Variants in PLPPR1 observed in about 807,000 individuals in gnomAD.
PLPPR1 encodes the protein phospholipid phosphatase-related protein type 1.
A neutral mutation model predicts 33.1 loss-of-function variants in PLPPR1; 10 were observed. The ratio of observed to expected loss-of-function variants is 0.30; its 90% CI spans 0.19 to 0.51. PLPPR1 has a LOEUF of 0.51. PLPPR1 is among the 20% of genes least tolerant of loss of function. The pLI is 0.97. For synonymous variants in PLPPR1, 151 were observed against 151.0 expected (o/e 1.00, Z 0.00); for missense variants, 304 against 408.1 (o/e 0.74, Z 2.20).
chr9:101,268,679 T>C (rs1469481690), intron 2 of PLPPR1, among the ~76,000 whole-genome samples: 3 of 152,248 alleles, frequency 2.0e-5, no homozygotes, highest in Non-Finnish European at 2.9e-5. Flanking sequence ...TTTAGTCTTC[T>C]TAAGCCCTGA....
intron 1 of PLPPR1, among the ~76,000 whole-genome samples, chr9:101,142,943 G>T (rs1332643303): frequency 2.0e-5 from 3 of 152,062 alleles, no homozygotes; most frequent in Admixed American, 1.3e-4. Flanking sequence ...GGTATTAAAA[G>T]CTTCTGTGAG....
chr9:101,089,325 A>ATAGATAGT lies in PLPPR1; in HGVS notation c.-46+60224_-46+60231dup, dbSNP rs1830715424. 3.9e-5 allele frequency among the ~76,000 whole-genome samples: 6 copies of ATAGATAGT among 152,128 alleles called. No individual in the cohort carries two copies. The East Asian group carries it at 7.7e-4, about 20-fold the overall frequency. The stretch of plus-strand genomic sequence containing the variant: ...GATAGATAGATAGATAGATAGATAG[A>ATAGATAGT]TAGATAGTAGTTAATTGTTGTTAAC... On this transcript the variant is annotated intron_variant, in intron 1 of 7. Transcript: ENST00000374874.
chr9:101,157,452 TAA>T (rs1337604027), intron 1 of PLPPR1, among the ~76,000 whole-genome samples: 3 of 152,266 alleles, frequency 2.0e-5, no homozygotes, highest in South Asian at 2.1e-4. Context: ...TGTCTAAATT[TAA>T]AAGAGTCATC....
intron 4 of PLPPR1, among the ~76,000 whole-genome samples, chr9:101,308,988 A>G (rs551277261): frequency 6.6e-6 from 1 of 152,282 alleles, no homozygotes; most frequent in African/African-American, 2.4e-5. Context: ...CTTTTTCTAA[A>G]CTACCGATAC....
chr9:101,050,566 A>T (rs1830210686), intron 1 of PLPPR1, among the ~76,000 whole-genome samples: 2 of 152,208 alleles, frequency 1.3e-5, no homozygotes, highest in South Asian at 4.1e-4. Context: ...AAGAGACAGC[A>T]TCTGGGACAG....
intron 1 of PLPPR1, among the ~76,000 whole-genome samples, chr9:101,081,485 G>A (rs1830619236): frequency 6.6e-6 from 1 of 152,070 alleles, no homozygotes; most frequent in Admixed American, 6.6e-5. Flanking sequence ...AAGCCACCAT[G>A]CCCGGCCAAT....
intron 1 of PLPPR1, among the ~76,000 whole-genome samples, chr9:101,119,361 G>A (rs765684683): frequency 2.0e-5 from 3 of 152,208 alleles, no homozygotes; most frequent in Non-Finnish European, 2.9e-5. Context: ...ATTTCACACC[G>A]TGCTGCCTGG....
At chr9:101,194,881 T>C (rs1826368654) in intron 2 of PLPPR1, among the ~76,000 whole-genome samples, 1 of 152,184 alleles carries the variant, frequency 6.6e-6, no homozygotes, top group South Asian at 2.1e-4. Flanking sequence ...CAAATACATA[T>C]ATTGACCCAG....
At chr9:101,109,836 C>A (rs745808310) in intron 1 of PLPPR1, among the ~76,000 whole-genome samples, 1 of 152,042 alleles carries the variant, frequency 6.6e-6, no homozygotes, top group Admixed American at 6.6e-5. Context: ...ATCAACTAGC[C>A]ATATATAATA....
At chr9:101,277,306 AGT>A (rs1828214993) in intron 3 of PLPPR1, among the ~76,000 whole-genome samples, 1 of 152,166 alleles carries the variant, frequency 6.6e-6, no homozygotes, top group Admixed American at 6.6e-5. Context: ...GAATATCTAG[AGT>A]GTGGGCAAAA....
chr9:101,248,723 A>G (rs180839700), intron 2 of PLPPR1, among the ~76,000 whole-genome samples: 1 of 152,184 alleles, frequency 6.6e-6, no homozygotes, highest in Admixed American at 6.5e-5. Flanking sequence ...GCAGCTTAAT[A>G]CCTGTTCTTA....
intron 2 of PLPPR1, among the ~76,000 whole-genome samples, chr9:101,252,633 T>G (rs1047251293): frequency 3.3e-5 from 5 of 152,142 alleles, no homozygotes; most frequent in Admixed American, 1.3e-4. Context: ...ACAAACTGCT[T>G]GACCTGAGAG....
Position 101,286,161 on chromosome 9 carries a change from G to T in PLPPR1, c.310G>T (p.Ala104Ser). The T allele has an allele frequency of 6.2e-7, 1 of 1,611,488 alleles. No individual in the cohort carries two copies. Among genetic ancestry groups the T allele is most frequent in the Non-Finnish European group, 8.5e-7 (1 of 1,177,694 alleles). ...FIKSTRESLIAQEKTILTGEC... is the reference protein window; with the variant it reads ...FIKSTRESLISQEKTILTGEC... ...AAAATCAACAAGAGAATCCCTGATT[G>T]CTCAGGAGAAAACAATTCTGACCGG... The change falls in exon 4 of 8, where the codon GCT (alanine) becomes TCT (serine). Residue 104 changes from alanine (A) to serine (S), a missense_variant. Ala to Ser is a moderately conservative substitution (Grantham distance 99). Transcript: ENST00000374874.
chr9:101,133,681 C>G (rs1831343619), intron 1 of PLPPR1, among the ~76,000 whole-genome samples: 1 of 151,992 alleles, frequency 6.6e-6, no homozygotes, highest in Non-Finnish European at 1.5e-5. Flanking sequence ...TCAATGTTTT[C>G]AGCTTAAAGA....
At position 101,274,057 on chromosome 9, in the gene PLPPR1, T is replaced by A. The variant is rs564082994; in HGVS notation, c.252+3989T>A. Among the ~76,000 whole-genome samples the A allele has an allele frequency of 9.8e-5, 15 of 152,322 alleles. No individual in the cohort carries two copies. In the East Asian group the frequency reaches 2.9e-3, roughly 29 times the overall value. On this transcript the variant is annotated intron_variant, in intron 3 of 7. Coordinates refer to ENST00000374874, the MANE Select transcript of PLPPR1 (RefSeq NM_207299.2). ...TTTCCCCAAATGACACAAATTGAAA[T>A]GTAGTACAACTGCTCCCATGGAAGT...
intron 2 of PLPPR1, among the ~76,000 whole-genome samples, chr9:101,269,446 A>G (rs368558861): frequency 3.1e-4 from 47 of 152,256 alleles, no homozygotes; most frequent in African/African-American, 1.1e-3. Context: ...TTCATATTTC[A>G]TAAGGTAAGT....
chr9:101,275,260 C>T lies in PLPPR1; in HGVS notation c.252+5192C>T, dbSNP rs536925075. ...CATTGACCATGGAAGAACCTAGCAC[C>T]CTGCACTGCTGCGCGTCTGCAGATG... On this transcript the variant is annotated intron_variant, in intron 3 of 7. Transcript: ENST00000374874. Among the ~76,000 whole-genome samples, 27 of 152,320 alleles carry T rather than the reference C, an allele frequency of 1.8e-4. No homozygotes were observed. In the South Asian group the frequency reaches 1.9e-3, roughly 11 times the overall value.
At chr9:101,061,126 G>A (rs1407092469) in intron 1 of PLPPR1, among the ~76,000 whole-genome samples, 1 of 151,958 alleles carries the variant, frequency 6.6e-6, no homozygotes, top group African/African-American at 2.4e-5. Context: ...ATGTCTTTGA[G>A]GTGATAGATT....
chr9:101,294,796 G>A (rs374950216), intron 4 of PLPPR1, among the ~76,000 whole-genome samples: 10 of 151,892 alleles, frequency 6.6e-5, no homozygotes, highest in East Asian at 1.9e-4. Flanking sequence ...TTGATGGGAC[G>A]TATCTCAAAA....
Sources: allele counts gnomAD v4.1 joint callset (sites outside exome capture counted in the v4.1 genomes callset), GRCh38; gene constraint gnomAD v4.1.1; transcripts MANE v1.5; gene names NCBI Gene and HGNC (gene_info 2026-07-23, HGNC 2026-07-21).